Variants in PRKCH observed in about 807,000 individuals in gnomAD.
PRKCH encodes protein kinase C eta.
In PRKCH, 28 loss-of-function variants were observed where a neutral mutation model predicts 82.5. The observed-to-expected ratio is 0.34, with a 90% CI of 0.25 to 0.47. The LOEUF is 0.47. Among genes scored for constraint, PRKCH ranks in the 20% least tolerant of loss-of-function variants. PRKCH has a pLI of 1.00. For synonymous variants in PRKCH, 322 were observed against 327.4 expected, an observed-to-expected ratio of 0.98 and a Z score of 0.18; for missense variants, 705 against 881.8, an observed-to-expected ratio of 0.80 and a Z score of 2.54.
At chr14:61,188,739 G>GTGTGTGTGTGTGTGTGT (rs1491089927) in intron 1 of PRKCH, among the ~76,000 whole-genome samples, 9 of 144,448 alleles carry the variant, frequency 6.2e-5, no homozygotes, top group East Asian at 2.1e-4. Flanking sequence ...GTGTGTGTGT[G>GTGTGTGTGTGTGTGTGT]ATGGAGTTTT....
intron 1 of PRKCH, among the ~76,000 whole-genome samples, chr14:61,374,731 A>G (rs2046409195): frequency 6.6e-6 from 1 of 151,964 alleles, no homozygotes; most frequent in African/African-American, 2.4e-5. Flanking sequence ...CAGAGCAGTG[A>G]GGGCCCTAGG....
chr14:61,331,668 C>A (rs753131162), intron 1 of PRKCH, among the ~76,000 whole-genome samples: 5 of 152,196 alleles, frequency 3.3e-5, no homozygotes, highest in Non-Finnish European at 5.9e-5. Context: ...TTATCTGGGT[C>A]CCATTTCCCC....
At chr14:61,377,431 T>G (rs559832136) in intron 1 of PRKCH, among the ~76,000 whole-genome samples, 1 of 152,242 alleles carries the variant, frequency 6.6e-6, no homozygotes, top group Non-Finnish European at 1.5e-5. Flanking sequence ...TCTATTTGAG[T>G]ACTTTTGTGT....
chr14:61,443,351 AT>A (rs1555387838), intron 3 of PRKCH, 90 bp downstream of exon 3: 2 of 1,284,554 alleles, frequency 1.6e-6, no homozygotes, highest in Non-Finnish European at 2.1e-6. Context: ...ATGCATGATT[AT>A]TTAAGAATTC....
chr14:61,351,234 A>T (rs1303293772), intron 1 of PRKCH, among the ~76,000 whole-genome samples: 1 of 152,196 alleles, frequency 6.6e-6, no homozygotes, highest in African/African-American at 2.4e-5. Flanking sequence ...GTTGTGATTT[A>T]TTTCTGCTGT....
At chr14:61,400,690 C>T (rs1399323637) in intron 2 of PRKCH, among the ~76,000 whole-genome samples, 1 of 152,022 alleles carries the variant, frequency 6.6e-6, no homozygotes, top group African/African-American at 2.4e-5. Flanking sequence ...CAATGGGAGC[C>T]CTCATTTTAT....
chr14:61,237,782 CTG>C (rs1235826023), intron 1 of PRKCH, among the ~76,000 whole-genome samples: 1 of 152,170 alleles, frequency 6.6e-6, no homozygotes, highest in East Asian at 1.9e-4. Context: ...TCTTAGTGTC[CTG>C]TGTCTCCCTA....
At chr14:61,499,029 T>A (rs1886783508) in intron 10 of PRKCH, among the ~76,000 whole-genome samples, 3 of 152,096 alleles carry the variant, frequency 2.0e-5, no homozygotes, top group Admixed American at 1.3e-4. Context: ...CACGAGAGAA[T>A]AACCAAGGAT....
chr14:61,524,567 A>G (rs1006458512), intron 10 of PRKCH, among the ~76,000 whole-genome samples: 3 of 152,220 alleles, frequency 2.0e-5, no homozygotes, highest in Admixed American at 2.0e-4. Flanking sequence ...CTCCTAAGCC[A>G]AAAACTGACC....
At chr14:61,256,338 T>C (rs2044997591) in intron 1 of PRKCH, among the ~76,000 whole-genome samples, 1 of 152,182 alleles carries the variant, frequency 6.6e-6, no homozygotes, top group East Asian at 1.9e-4. Context: ...GCAAATAGAA[T>C]AGTATTCCAT....
intron 1 of PRKCH, chr14:61,344,306 G>T (rs1002414614): frequency 2.0e-5 from 3 of 152,168 alleles, no homozygotes; most frequent in Non-Finnish European, 2.9e-5. Flanking sequence ...ACAGTGACTG[G>T]CATTTCCCAG....
Position 61,279,923 on chromosome 14 carries a change from T to C in PRKCH, c.-19+92255T>C, listed in dbSNP as rs572113759. 16 of 631,790 alleles carry C rather than the reference T, an allele frequency of 2.5e-5. No homozygotes were observed. The South Asian group carries it at 3.2e-4, about 13-fold the overall frequency. The allele number at this position is 631,790 out of a possible 1,614,324, so 39.1% of individuals were successfully genotyped here. A position where few individuals can be genotyped will look rare whatever the true frequency, so the allele number is the denominator to read the frequency against. Reference sequence around the variant, plus strand: ...CATCCCTCCCCGCGGCAAGACAGTCTAGCAGCCCCCCAAGAGCAAGGGGGG... The same window carrying C: ...CATCCCTCCCCGCGGCAAGACAGTCCAGCAGCCCCCCAAGAGCAAGGGGGG... On this transcript the variant is annotated intron_variant, in intron 1 of 3. Transcript: ENST00000555185.
intron 2 of PRKCH, among the ~76,000 whole-genome samples, chr14:61,432,204 C>T (rs937053438): frequency 1.3e-5 from 2 of 152,078 alleles, no homozygotes; most frequent in Non-Finnish European, 2.9e-5. Flanking sequence ...TCACTTTCCT[C>T]CTGGCTTATG....
At chr14:61,504,683 T>C (rs1241399169) in intron 10 of PRKCH, among the ~76,000 whole-genome samples, 1 of 152,192 alleles carries the variant, frequency 6.6e-6, no homozygotes, top group Non-Finnish European at 1.5e-5. Context: ...CGTTCAGAAA[T>C]AGGAAATTTA....
At chr14:61,205,748 T>C (rs1376889836) in intron 1 of PRKCH, among the ~76,000 whole-genome samples, 1 of 152,114 alleles carries the variant, frequency 6.6e-6, no homozygotes, top group Non-Finnish European at 1.5e-5. Context: ...GGCAACAAGC[T>C]AACTAGGAAT....
intron 1 of PRKCH, among the ~76,000 whole-genome samples, chr14:61,236,278 G>A (rs1039644793): frequency 2.6e-5 from 4 of 152,058 alleles, no homozygotes; most frequent in Non-Finnish European, 5.9e-5. Context: ...ATCTTAAATA[G>A]GAGATAGGTA....
chr14:61,505,882 G>A lies in PRKCH; in HGVS notation c.1433+20226G>A, dbSNP rs921011613. Among the ~76,000 whole-genome samples the A allele has an allele frequency of 2.0e-4, 31 of 152,232 alleles. 2 individuals are homozygous for A. Among genetic ancestry groups the A allele is most frequent in the African/African-American group, 7.5e-4 (31 of 41,506 alleles). ...TACCTTCAGAGTAGAGGCCAATGGG[G>A]ACACTCCTGTCTCATGGTTCTAACC... On this transcript the variant is annotated intron_variant, in intron 10 of 13. Coordinates refer to ENST00000332981, the MANE Select transcript of PRKCH (RefSeq NM_006255.5).
At chr14:61,243,664 C>T (rs1467080954) in intron 1 of PRKCH, among the ~76,000 whole-genome samples, 1 of 152,064 alleles carries the variant, frequency 6.6e-6, no homozygotes, top group African/African-American at 2.4e-5. Flanking sequence ...AATATAGTAA[C>T]AGAGAGCTAT....
At chr14:61,275,831 T>G (rs1351350069) in intron 1 of PRKCH, among the ~76,000 whole-genome samples, 1 of 152,112 alleles carries the variant, frequency 6.6e-6, no homozygotes, top group African/African-American at 2.4e-5. Context: ...TGCCACAGGA[T>G]TTTTCTCTGT....
Sources: gnomAD v4.1 joint callset for allele counts (sites outside exome capture counted in the v4.1 genomes callset) on GRCh38, gnomAD v4.1.1 for gene constraint, MANE v1.5 for transcripts, NCBI Gene and HGNC (gene_info 2026-07-23, HGNC 2026-07-21) for gene names.